The following CXADR variants were observed in gnomAD, a reference collection of about 807,000 sequenced individuals.
CXADR encodes coxsackievirus and adenovirus receptor.
CXADR carries 20 observed loss-of-function variants against 40.3 expected under a neutral mutation model. That is an observed-to-expected ratio of 0.50 (90% CI 0.35 to 0.72). The LOEUF (loss-of-function observed/expected upper bound fraction) is 0.72, where lower values mean the gene tolerates loss of function less well. CXADR is among the 30% of genes least tolerant of loss of function. The pLI is 0.01. For synonymous variants in CXADR, 150 were observed against 161.3 expected (o/e 0.93, Z 0.53); for missense variants, 332 against 449.1 (o/e 0.74, Z 2.36).
chr21:17,532,045 C>T (rs1307596738), intron 1 of CXADR, among the ~76,000 whole-genome samples: 1 of 151,994 alleles, frequency 6.6e-6, no homozygotes, highest in Non-Finnish European at 1.5e-5. Context: ...AGGCTCCCAC[C>T]TCAGTCTCCG....
chr21:17,574,831 A>G (rs1011793651), downstream of CXADR, among the ~76,000 whole-genome samples: 11 of 152,294 alleles, frequency 7.2e-5, no homozygotes, highest in African/African-American at 2.4e-4. Context: ...GATGTTGAAT[A>G]GATACCTAGA....
chr21:17,594,148 C>A, downstream of CXADR: 1 of 1,613,224 alleles, frequency 6.2e-7, no homozygotes, highest in Non-Finnish European at 8.5e-7. Flanking sequence ...ACAATGCATT[C>A]CAGGAGGAGG....
At chr21:17,620,135 G>A in the CXADR span, among the ~76,000 whole-genome samples, 16 of 152,192 alleles carry the variant, frequency 1.1e-4, no homozygotes, top group Admixed American at 7.9e-4. Context: ...TGACGAGTTG[G>A]CACAAGAGCC....
In CXADR at chr21:17,569,160, C is replaced by T. The variant is rs1196266314; in HGVS notation, c.*3468C>T. The T allele has an allele frequency of 6.1e-6, 6 of 985,232 alleles. No homozygotes were observed. In the African/African-American group the frequency reaches 1.0e-4, roughly 17 times the overall value. 61.0% of individuals were successfully genotyped at this position (985,232 alleles called of 1,614,324 possible). A position where few individuals can be genotyped will look rare whatever the true frequency, so the allele number is the denominator to read the frequency against. On this transcript the variant is annotated 3_prime_UTR_variant, in exon 7 of 7. Coordinates refer to ENST00000284878, the MANE Select transcript of CXADR (RefSeq NM_001338.5). ...CTCAGTGTCTTTTGTGTGCGTGCAG[C>T]ATGTACATTTGATGTTATGTGAATG...
intron 3 of CXADR, among the ~76,000 whole-genome samples, chr21:17,557,951 T>C (rs1156242108): frequency 2.6e-5 from 4 of 152,154 alleles, no homozygotes. Flanking sequence ...TATTATACCT[T>C]ATTAAAGTTC....
chr21:17,633,142 C>T, the CXADR span: 3 of 152,150 alleles, frequency 2.0e-5, no homozygotes, highest in Non-Finnish European at 4.4e-5. Context: ...TTGTTTTCTT[C>T]CCCCAGGCAC....
chr21:17,587,383 C>T (rs2061405149), intron 7 of CXADR, among the ~76,000 whole-genome samples: 1 of 152,168 alleles, frequency 6.6e-6, no homozygotes, highest in Admixed American at 6.6e-5. Flanking sequence ...TATTTCTCCA[C>T]ATCCTCTCCA....
At chr21:17,616,682 A>G in the CXADR span, among the ~76,000 whole-genome samples, 1 of 152,300 alleles carries the variant, frequency 6.6e-6, no homozygotes, top group South Asian at 2.1e-4. Context: ...GTTACGTTAC[A>G]TAGCATATGT....
rs2061262594 is a variant in CXADR, at chr21:17,569,899, T to C, written c.*4207T>C. On this transcript the variant is annotated 3_prime_UTR_variant, in exon 7 of 7. Transcript: ENST00000284878. ...ATTTTAGTGATAAATACACCTGTACTACTGAGGAAAATATTCTGACACTTC... is the reference window on the plus strand; with the variant it reads ...ATTTTAGTGATAAATACACCTGTACCACTGAGGAAAATATTCTGACACTTC... The C allele has an allele frequency of 1.6e-5, 16 of 985,354 alleles. No homozygotes were observed. The highest frequency in any genetic ancestry group is 1.9e-5 in the Non-Finnish European group (16 of 829,864). 61.0% of individuals were successfully genotyped at this position (985,354 alleles called of 1,614,324 possible). A position where few individuals can be genotyped will look rare whatever the true frequency, so the allele number is the denominator to read the frequency against.
chr21:17,582,037 G>A lies in CXADR; in HGVS notation c.1018-11115G>A, dbSNP rs1321704416. On this transcript the variant is annotated intron_variant, in intron 7 of 7. Transcript: ENST00000400169. The stretch of plus-strand genomic sequence containing the variant: ...CTCACTGCAAACCTCTGCCCTCCCG[G>A]GTTCAAGTGATTCTCCTTGTCTCAG... 2.8e-4 allele frequency among the ~76,000 whole-genome samples: 4 copies of A among 14,382 alleles called. No homozygotes were observed. In the East Asian group the frequency reaches 6.6e-3, roughly 24 times the overall value. The allele number at this position is 14,382 out of a possible 152,430, so 9.4% of individuals were successfully genotyped here. A position where few individuals can be genotyped will look rare whatever the true frequency, so the allele number is the denominator to read the frequency against.
intron 2 of CXADR, 123 bp from the exon 3 acceptor site, chr21:17,551,626 T>C: frequency 1.3e-6 from 1 of 753,522 alleles, no homozygotes; most frequent in Non-Finnish European, 2.2e-6. Context: ...AATACTGTGT[T>C]CTTCTTTTTC....
Position 17,513,180 on chromosome 21 carries a change from G to A in CXADR, c.43+8G>A, listed in dbSNP as rs1482600657. On this transcript the variant is annotated splice_region_variant and intron_variant, in intron 1 of 6. Coordinates refer to ENST00000284878, the MANE Select transcript of CXADR (RefSeq NM_001338.5). ...TCCTGTGCGGAGTAGTGGGTGAGTA[G>A]GGGCCATGGGGTCCTCAGCACCCGC... is the stretch of plus-strand genomic sequence containing the variant. 4 of 1,361,816 alleles carry A rather than the reference G, an allele frequency of 2.9e-6. No individual in the cohort carries two copies. The highest frequency in any genetic ancestry group is 3.8e-6 in the Non-Finnish European group (4 of 1,054,172). The allele number at this position is 1,361,816 out of a possible 1,614,324, so 84.4% of individuals were successfully genotyped here. A position where few individuals can be genotyped will look rare whatever the true frequency, so the allele number is the denominator to read the frequency against.
downstream of CXADR, chr21:17,598,570 G>C (rs2061532992): frequency 6.6e-7 from 1 of 1,526,508 alleles, no homozygotes; most frequent in East Asian, 2.3e-5. Flanking sequence ...GAAAGGTCCT[G>C]GCAATCCCTG....
chr21:17,519,072 C>T (rs2060496469), intron 1 of CXADR: 2 of 964,972 alleles, frequency 2.1e-6, no homozygotes, highest in East Asian at 5.0e-5. Context: ...CGATATGCCC[C>T]CTCTTAATCT....
At position 17,567,436 on chromosome 21, in the gene CXADR, T is replaced by A; in HGVS notation, c.*1744T>A. On this transcript the variant is annotated 3_prime_UTR_variant, in exon 7 of 7. Coordinates refer to ENST00000284878, the MANE Select transcript of CXADR (RefSeq NM_001338.5). ...CCTTTTGGTAATTTAATTTCTATTA[T>A]GAATTTCTGGTGCCTATGAGCTAGC... 2 of 985,338 alleles carry A rather than the reference T, an allele frequency of 2.0e-6. No homozygotes were observed. Among genetic ancestry groups the A allele is most frequent in the Non-Finnish European group, 2.4e-6 (2 of 829,830 alleles). The allele number at this position is 985,338 out of a possible 1,614,324, so 61.0% of individuals were successfully genotyped here. A position where few individuals can be genotyped will look rare whatever the true frequency, so the allele number is the denominator to read the frequency against.
Position 17,565,780 on chromosome 21 carries a change from G to A in CXADR, c.*88G>A. 1.3e-6 allele frequency: 2 copies of A among 1,497,792 alleles called. No individual in the cohort carries two copies. 92.8% of individuals were successfully genotyped at this position (1,497,792 alleles called of 1,614,324 possible). On this transcript the variant is annotated 3_prime_UTR_variant, in exon 7 of 7. Coordinates refer to ENST00000284878, the MANE Select transcript of CXADR (RefSeq NM_001338.5). Reference sequence around the variant, plus strand: ...TATTCTGGTCTAAATTGTGTTACTAGCCTCAAAATACATCAAAAAATAAGT... The same window carrying A: ...TATTCTGGTCTAAATTGTGTTACTAACCTCAAAATACATCAAAAAATAAGT...
chr21:17,545,006 A>T (rs1325391987), intron 1 of CXADR, among the ~76,000 whole-genome samples: 1 of 151,874 alleles, frequency 6.6e-6, no homozygotes, highest in African/African-American at 2.4e-5. Flanking sequence ...TTGAAAAACA[A>T]CATCAAGATA....
the CXADR span, among the ~76,000 whole-genome samples, chr21:17,634,564 A>G: frequency 5.3e-5 from 8 of 152,152 alleles, no homozygotes; most frequent in Non-Finnish European, 1.2e-4. Context: ...TAGTTTATTT[A>G]TGTATTCTCC....
chr21:17,520,105 A>G (rs1569071868), intron 1 of CXADR, among the ~76,000 whole-genome samples: 1 of 152,048 alleles, frequency 6.6e-6, no homozygotes, highest in Non-Finnish European at 1.5e-5. Flanking sequence ...TTCAACTTCC[A>G]TTCGAATACC....
Sources: gnomAD v4.1 joint callset for allele counts (sites outside exome capture counted in the v4.1 genomes callset) on GRCh38, gnomAD v4.1.1 for gene constraint, MANE v1.5 for transcripts, NCBI Gene and HGNC (gene_info 2026-07-23, HGNC 2026-07-21) for gene names.